PTPRT: variants seen among roughly 807,000 people sequenced by gnomAD.
PTPRT encodes receptor-type tyrosine-protein phosphatase T.
Under a neutral mutation model 176.8 loss-of-function variants are expected in PTPRT, and 56 were observed. The observed-to-expected ratio is 0.32, with a 90% CI of 0.26 to 0.40. The LOEUF (loss-of-function observed/expected upper bound fraction) is 0.40, where lower values mean the gene tolerates loss of function less well. PTPRT is among the 10% of genes least tolerant of loss of function. The probability of loss-of-function intolerance (pLI) is 1.00; values close to 1 mark genes in which losing one functional copy is unlikely to be tolerated. For synonymous variants in PTPRT, 783 were observed against 739.0 expected, an observed-to-expected ratio of 1.06 and a Z score of -0.96; for missense variants, 1,540 against 1,908.2, an observed-to-expected ratio of 0.81 and a Z score of 3.60.
At chr20:42,493,559 C>G (rs2145385100) in intron 7 of PTPRT, among the ~76,000 whole-genome samples, 1 of 152,108 alleles carries the variant, frequency 6.6e-6, no homozygotes, top group East Asian at 1.9e-4. Flanking sequence ...AGAGTGAGTA[C>G]TCAGTTAGGA....
intron 13 of PTPRT, among the ~76,000 whole-genome samples, chr20:42,276,496 A>AATATACAT (rs2057032092): frequency 2.3e-5 from 1 of 44,192 alleles, no homozygotes; most frequent in Admixed American, 3.1e-4. Flanking sequence ...GAAAGAAGGA[A>AATATACAT]ATATATATAT....
intron 1 of PTPRT, among the ~76,000 whole-genome samples, chr20:43,094,961 T>G (rs1159950685): frequency 6.6e-6 from 1 of 152,004 alleles, no homozygotes. Flanking sequence ...AGCTGAACGT[T>G]GAGGGATGAT....
intron 9 of PTPRT, among the ~76,000 whole-genome samples, chr20:42,377,282 A>G (rs1381750771): frequency 6.6e-6 from 1 of 152,146 alleles, no homozygotes; most frequent in Admixed American, 6.5e-5. Context: ...CTCAGGGTAC[A>G]TGCTAACTCC....
chr20:42,080,712 C>T lies in PTPRT; in HGVS notation c.*167G>A. ...GCATCTCCCACGGCAACAGGAGACCCCTCAGAAGGTGCAGAGCCCCCCGTG... is the reference window on the plus strand; with the variant it reads ...GCATCTCCCACGGCAACAGGAGACCTCTCAGAAGGTGCAGAGCCCCCCGTG... On this transcript the variant is annotated 3_prime_UTR_variant, in exon 31 of 31. Transcript: ENST00000373187. 1 of 574,064 alleles carries T rather than the reference C, an allele frequency of 1.7e-6. No homozygotes were observed. Among genetic ancestry groups the T allele is most frequent in the East Asian group, 3.0e-5 (1 of 33,424 alleles). The allele number at this position is 574,064 out of a possible 1,614,324, so 35.6% of individuals were successfully genotyped here.
At chr20:42,948,026 G>C (rs1358831141) in intron 1 of PTPRT, among the ~76,000 whole-genome samples, 2 of 152,166 alleles carry the variant, frequency 1.3e-5, no homozygotes, top group African/African-American at 2.4e-5. Flanking sequence ...AACCCCACTT[G>C]ACTTCTGCAA....
chr20:42,788,057 G>A (rs1182725936), intron 3 of PTPRT, among the ~76,000 whole-genome samples: 1 of 152,088 alleles, frequency 6.6e-6, no homozygotes, highest in South Asian at 2.1e-4. Flanking sequence ...AAGTAAAGAG[G>A]CCAAAGATAT....
intron 6 of PTPRT, among the ~76,000 whole-genome samples, chr20:42,705,583 A>G (rs894291670): frequency 7.2e-5 from 11 of 152,152 alleles, no homozygotes; most frequent in African/African-American, 2.7e-4. Flanking sequence ...CCTTACAATA[A>G]TAATAATGAT....
chr20:42,095,103 C>A (rs996363086), intron 27 of PTPRT, among the ~76,000 whole-genome samples: 1 of 152,148 alleles, frequency 6.6e-6, no homozygotes, highest in Admixed American at 6.5e-5. Flanking sequence ...GAATCTACCC[C>A]CCAGTTCAAC....
chr20:42,800,395 G>A lies in PTPRT; in HGVS notation c.215-8929C>T, dbSNP rs2077513501. On this transcript the variant is annotated intron_variant, in intron 2 of 30. Coordinates refer to ENST00000373187, the MANE Select transcript of PTPRT (RefSeq NM_007050.6). ...AAGAGGGGTAAAGAATGGAAAGAAC[G>A]AACAAAAATTAAGTCAGTTGTCAAG... is the stretch of plus-strand genomic sequence containing the variant. 5.3e-5 allele frequency among the ~76,000 whole-genome samples: 8 copies of A among 152,118 alleles called. 1 individual carries two copies. In the South Asian group the frequency reaches 6.2e-4, roughly 12 times the overall value.
chr20:42,327,339 T>C (rs2057899410), intron 11 of PTPRT, among the ~76,000 whole-genome samples: 2 of 152,154 alleles, frequency 1.3e-5, no homozygotes, highest in Middle Eastern at 6.8e-3. Context: ...CCAAATACAA[T>C]GTGTGATCCT....
At chr20:42,336,052 A>T (rs1440885198) in intron 11 of PTPRT, among the ~76,000 whole-genome samples, 2 of 152,308 alleles carry the variant, frequency 1.3e-5, no homozygotes, top group Non-Finnish European at 2.9e-5. Flanking sequence ...TAATCAACTG[A>T]GTTAATATAC....
intron 7 of PTPRT, among the ~76,000 whole-genome samples, chr20:42,675,327 C>T (rs2075483122): frequency 6.6e-6 from 1 of 152,198 alleles, no homozygotes; most frequent in Non-Finnish European, 1.5e-5. Flanking sequence ...AGAATATTTG[C>T]CTATACCTAA....
chr20:42,659,958 T>C (rs773348008), intron 7 of PTPRT, among the ~76,000 whole-genome samples: 3 of 152,142 alleles, frequency 2.0e-5, no homozygotes, highest in Non-Finnish European at 2.9e-5. Context: ...GGTCAGGAGA[T>C]GCTATTTCAC....
chr20:42,403,174 T>C (rs541876962), intron 9 of PTPRT, among the ~76,000 whole-genome samples: 1 of 152,238 alleles, frequency 6.6e-6, no homozygotes, highest in Non-Finnish European at 1.5e-5. Context: ...GATTTTTGCA[T>C]TTTGCATATA....
intron 1 of PTPRT, among the ~76,000 whole-genome samples, chr20:43,086,111 T>C (rs975181011): frequency 6.6e-6 from 1 of 152,210 alleles, no homozygotes; most frequent in Non-Finnish European, 1.5e-5. Flanking sequence ...TTCCCTTCCC[T>C]GCACCCATTT....
At chr20:42,318,958 T>A (rs915677474) in intron 11 of PTPRT, among the ~76,000 whole-genome samples, 1 of 152,142 alleles carries the variant, frequency 6.6e-6, no homozygotes, top group African/African-American at 2.4e-5. Context: ...TGTCCACAAC[T>A]AGCATAAGAT....
intron 9 of PTPRT, among the ~76,000 whole-genome samples, chr20:42,373,420 T>C (rs1365577644): frequency 6.6e-6 from 1 of 152,216 alleles, no homozygotes; most frequent in Non-Finnish European, 1.5e-5. Flanking sequence ...AGATTTTTTA[T>C]TTGTAAACTG....
chr20:42,673,851 A>G (rs1251459765), intron 7 of PTPRT, among the ~76,000 whole-genome samples: 3 of 152,184 alleles, frequency 2.0e-5, no homozygotes, highest in African/African-American at 7.2e-5. Context: ...ACCGCCCAAG[A>G]TGATTCTAAG....
At chr20:42,164,631 C>CTT (rs112082888) in intron 16 of PTPRT, among the ~76,000 whole-genome samples, 33,748 of 152,024 alleles carry the variant, frequency 0.22, 4,137 homozygotes, top group African/African-American at 0.28. Flanking sequence ...ACGCACTATA[C>CTT]TTAATTTTCC....
Sources: gnomAD v4.1 joint callset for allele counts (sites outside exome capture counted in the v4.1 genomes callset) on GRCh38, gnomAD v4.1.1 for gene constraint, MANE v1.5 for transcripts, NCBI Gene and HGNC (gene_info 2026-07-23, HGNC 2026-07-21) for gene names.